The following FLVCR1 variants were observed in gnomAD, a reference collection of about 807,000 sequenced individuals.
The protein encoded by FLVCR1 is FLVCR choline and heme transporter 1.
A neutral mutation model predicts 53.6 loss-of-function variants in FLVCR1; 34 were observed. The observed-to-expected ratio is 0.63, with a 90% confidence interval of 0.48 to 0.84. FLVCR1 has a LOEUF of 0.84. Among genes scored for constraint, FLVCR1 ranks in the 40% least tolerant of loss-of-function variants. The pLI, the probability that FLVCR1 is intolerant of heterozygous loss-of-function variation, is 0.00. For synonymous variants in FLVCR1, 300 were observed against 286.3 expected (o/e 1.05, Z -0.48); for missense variants, 677 against 696.7 (o/e 0.97, Z 0.32).
At chr1:212,876,428 C>T (rs905632796) in intron 3 of FLVCR1, among the ~76,000 whole-genome samples, 33 of 150,322 alleles carry the variant, frequency 2.2e-4, no homozygotes, top group Admixed American at 2.1e-3. Flanking sequence ...GGAGTGCACA[C>T]AATCTCGGCT....
At chr1:212,873,645 T>C (rs1664670444) in intron 3 of FLVCR1, among the ~76,000 whole-genome samples, 1 of 152,240 alleles carries the variant, frequency 6.6e-6, no homozygotes, top group Non-Finnish European at 1.5e-5. Context: ...TTGGTTTTCT[T>C]CAGAGTTTTC....
At chr1:212,879,767 G>C (rs370085709) in intron 3 of FLVCR1, among the ~76,000 whole-genome samples, 3 of 152,034 alleles carry the variant, frequency 2.0e-5, no homozygotes, top group Non-Finnish European at 4.4e-5. Flanking sequence ...ATGTTGCCCA[G>C]GCTGGTCTCA....
Position 212,879,526 on chromosome 1 carries a change from AT to A in FLVCR1, c.1025-3837del, listed in dbSNP as rs145208874. On this transcript the variant is annotated intron_variant, in intron 3 of 9. Coordinates refer to ENST00000366971, the MANE Select transcript of FLVCR1 (RefSeq NM_014053.4). ...CAGGACCCAAATGGACTAAGATAAA[AT>A]TTTTTTTGGAAAAAAATTATCGGTA... Among the ~76,000 whole-genome samples, 49 of 152,068 alleles carry A rather than the reference AT, an allele frequency of 3.2e-4. No individual in the cohort carries two copies. In the East Asian group the frequency reaches 8.5e-3, roughly 26 times the overall value.
chr1:212,877,309 C>A (rs1371550283), intron 3 of FLVCR1, among the ~76,000 whole-genome samples: 1 of 151,738 alleles, frequency 6.6e-6, no homozygotes, highest in Non-Finnish European at 1.5e-5. Flanking sequence ...TATATTATCT[C>A]CCCAATTAGA....
At chr1:212,876,102 G>T (rs1392095381) in intron 3 of FLVCR1, among the ~76,000 whole-genome samples, 1 of 151,858 alleles carries the variant, frequency 6.6e-6, no homozygotes, top group Non-Finnish European at 1.5e-5. Context: ...AGCCAGGTTG[G>T]TCTCGAATTC....
rs577256474 is a variant in FLVCR1 at position 212,878,284 on chromosome 1, C to T, written c.1025-5087C>T. 2.0e-4 allele frequency among the ~76,000 whole-genome samples: 31 copies of T among 152,098 alleles called. 1 individual carries two copies. The highest frequency in any genetic ancestry group is 5.9e-5 in the Non-Finnish European group (4 of 67,976). ...TTGGGAGGCCGAGGCGGGCGGATCACGAGGTCAGGAGATCGAGACCATCCT... is the reference window on the plus strand; with the variant it reads ...TTGGGAGGCCGAGGCGGGCGGATCATGAGGTCAGGAGATCGAGACCATCCT... On this transcript the variant is annotated intron_variant, in intron 3 of 9. Coordinates refer to ENST00000366971, the MANE Select transcript of FLVCR1 (RefSeq NM_014053.4).
intron 1 of FLVCR1, among the ~76,000 whole-genome samples, chr1:212,861,812 G>A (rs1664249207): frequency 6.6e-6 from 1 of 152,030 alleles, no homozygotes; most frequent in Admixed American, 6.6e-5. Context: ...TGGGACTACA[G>A]GCACCCGCCT....
intron 1 of FLVCR1, among the ~76,000 whole-genome samples, chr1:212,859,916 G>C (rs1664169219): frequency 6.6e-6 from 1 of 152,148 alleles, no homozygotes; most frequent in South Asian, 2.1e-4. Context: ...ATTGTGAACA[G>C]CTCCCTTTTA....
intron 2 of FLVCR1, chr1:212,870,160 C>T (rs1453318973): frequency 2.6e-5 from 4 of 152,086 alleles, no homozygotes; most frequent in Admixed American, 2.6e-4. Context: ...TGTGTACCAG[C>T]CTTCCAATGT....
In FLVCR1 at chr1:212,897,437, GCC is replaced by G. The variant is rs1665372439; in HGVS notation, c.*2148_*2149del. On this transcript the variant is annotated 3_prime_UTR_variant, in exon 10 of 10. Transcript: ENST00000366971. Reference sequence around the variant, plus strand: ...CTTGGGAAGCTGAGGCATGAGAATTGCCTGAACCTGGAAGGCGGAGGCTACAG... The same window carrying G: ...CTTGGGAAGCTGAGGCATGAGAATTGTGAACCTGGAAGGCGGAGGCTACAG... 1 of 152,280 alleles carries G rather than the reference GCC, an allele frequency of 6.6e-6. No individual in the cohort carries two copies. Among genetic ancestry groups the G allele is most frequent in the Non-Finnish European group, 1.5e-5 (1 of 68,212 alleles). The allele number at this position is 152,280 out of a possible 1,614,324, so 9.4% of individuals were successfully genotyped here.
At chr1:212,881,370 G>A (rs148679359) in intron 3 of FLVCR1, among the ~76,000 whole-genome samples, 3,322 of 133,056 alleles carry the variant, frequency 0.025, 59 homozygotes, top group Middle Eastern at 0.045. Context: ...ACAGAGTCTC[G>A]CTCTGTCACC....
At chr1:212,892,857 A>G (rs1665228839) in intron 8 of FLVCR1, among the ~76,000 whole-genome samples, 1 of 152,118 alleles carries the variant, frequency 6.6e-6, no homozygotes, top group Non-Finnish European at 1.5e-5. Context: ...GAGGAGGTCA[A>G]ACTATCAACA....
At chr1:212,894,651 C>T (rs1665287252) in intron 8 of FLVCR1, among the ~76,000 whole-genome samples, 1 of 152,026 alleles carries the variant, frequency 6.6e-6, no homozygotes, top group Non-Finnish European at 1.5e-5. Context: ...TTTTTGCTCC[C>T]ACTTCCCCAC....
At chr1:212,876,427 A>ACAATC (rs1374939668) in intron 3 of FLVCR1, among the ~76,000 whole-genome samples, 1 of 149,270 alleles carries the variant, frequency 6.7e-6, no homozygotes, top group Non-Finnish European at 1.5e-5. Context: ...TGGAGTGCAC[A>ACAATC]CAATCTCGGC....
chr1:212,893,451 G>T (rs1200630769), intron 8 of FLVCR1, among the ~76,000 whole-genome samples: 1 of 152,198 alleles, frequency 6.6e-6, no homozygotes, highest in Non-Finnish European at 1.5e-5. Flanking sequence ...AAAGGATTTA[G>T]AATATTATAT....
chr1:212,881,361 C>A, intron 3 of FLVCR1, among the ~76,000 whole-genome samples: 1 of 124,310 alleles, frequency 8.0e-6, no homozygotes, highest in Admixed American at 9.9e-5. Context: ...TTTTTTGAGA[C>A]AGAGTCTCGC....
In FLVCR1 at chr1:212,896,231, G is replaced by A. The variant is rs1572032457; in HGVS notation, c.*941G>A. 6.7e-6 allele frequency: 1 copy of A among 148,654 alleles called. No individual in the cohort carries two copies. The highest frequency in any genetic ancestry group is 2.0e-4 in the East Asian group (1 of 5,088). The allele number at this position is 148,654 out of a possible 1,614,324, so 9.2% of individuals were successfully genotyped here. ...TTTCATGTATCACATCGTATATTTTGCCTTGAAGATTCCTGAAATAAGGAA... is the reference window on the plus strand; with the variant it reads ...TTTCATGTATCACATCGTATATTTTACCTTGAAGATTCCTGAAATAAGGAA... On this transcript the variant is annotated 3_prime_UTR_variant, in exon 10 of 10. Transcript: ENST00000366971.
chr1:212,867,490 C>T (rs1167900231), intron 2 of FLVCR1, among the ~76,000 whole-genome samples: 1 of 152,164 alleles, frequency 6.6e-6, no homozygotes, highest in Non-Finnish European at 1.5e-5. Flanking sequence ...ATAGTAAACA[C>T]TGAAGGTCAG....
In FLVCR1 at chr1:212,896,222, G is replaced by A. The variant is rs1361392702; in HGVS notation, c.*932G>A. The A allele has an allele frequency of 4.7e-5, 7 of 149,746 alleles. No homozygotes were observed. The highest frequency in any genetic ancestry group is 1.2e-4 in the African/African-American group (5 of 40,514). The allele number at this position is 149,746 out of a possible 1,614,324, so 9.3% of individuals were successfully genotyped here. On this transcript the variant is annotated 3_prime_UTR_variant, in exon 10 of 10. Transcript: ENST00000366971. ...ATTTCATGATTTCATGTATCACATC[G>A]TATATTTTGCCTTGAAGATTCCTGA...
Sources: allele counts gnomAD v4.1 joint callset (sites outside exome capture counted in the v4.1 genomes callset), GRCh38; gene constraint gnomAD v4.1.1; transcripts MANE v1.5; gene names NCBI Gene and HGNC (gene_info 2026-07-23, HGNC 2026-07-21).